Variants in SSBP2 observed in about 807,000 individuals in gnomAD.
SSBP2 encodes single stranded DNA binding protein 2.
SSBP2 carries 17 observed loss-of-function variants against 61.8 expected under a neutral mutation model. That is an observed-to-expected ratio of 0.28 (90% CI 0.19 to 0.41). The LOEUF (loss-of-function observed/expected upper bound fraction) is 0.41, where lower values mean the gene tolerates loss of function less well. SSBP2 is among the 10% of genes least tolerant of loss of function. The pLI is 1.00. For missense variants in SSBP2, 310 were observed against 458.7 expected (o/e 0.68, Z 2.96); for synonymous variants, 139 against 141.3 (o/e 0.98, Z 0.12).
intron 3 of SSBP2, among the ~76,000 whole-genome samples, chr5:81,630,667 C>T (rs769147715): frequency 8.6e-5 from 13 of 150,506 alleles, no homozygotes; most frequent in Admixed American, 4.0e-4. Context: ...AAAATACCAA[C>T]GCCATGGAAG....
intron 1 of SSBP2, among the ~76,000 whole-genome samples, chr5:81,664,653 T>TCC (rs1750961443): frequency 6.6e-6 from 1 of 152,182 alleles, no homozygotes; most frequent in Non-Finnish European, 1.5e-5. Context: ...ACCATACTGT[T>TCC]CGACAACATG....
chr5:81,466,859 G>T, intron 9 of SSBP2, 115 bp downstream of exon 9: 1 of 568,162 alleles, frequency 1.8e-6, no homozygotes, highest in Non-Finnish European at 2.8e-6. Context: ...ACAAATTAAC[G>T]TCATTTTAGA....
At chr5:81,678,573 A>G (rs1183619288) in intron 1 of SSBP2, among the ~76,000 whole-genome samples, 2 of 152,158 alleles carry the variant, frequency 1.3e-5, no homozygotes, top group Non-Finnish European at 2.9e-5. Context: ...GGAAGCTCAG[A>G]GAACACCAAG....
intron 1 of SSBP2, among the ~76,000 whole-genome samples, chr5:81,742,931 A>G (rs1757124115): frequency 6.6e-6 from 1 of 151,910 alleles, no homozygotes; most frequent in African/African-American, 2.4e-5. Flanking sequence ...ATGAAAAAGA[A>G]AAAAGTCTGC....
intron 8 of SSBP2, among the ~76,000 whole-genome samples, chr5:81,469,845 A>T (rs1214836396): frequency 1.3e-5 from 2 of 151,988 alleles, no homozygotes; most frequent in Non-Finnish European, 2.9e-5. Flanking sequence ...CTAATTTAGA[A>T]TCACTGAATT....
rs16899097 is a variant in SSBP2, at chr5:81,721,337, C to T, written c.62+29644G>A. 7.5e-4 allele frequency among the ~76,000 whole-genome samples: 114 copies of T among 152,180 alleles called. 2 individuals are homozygous for T. In the East Asian group the frequency reaches 0.02, roughly 26 times the overall value. ...TAACTTCTATACAACTCTTCCAACA[C>T]AGACAACAAGCAAAAACAAAAACAA... On this transcript the variant is annotated intron_variant, in intron 1 of 16. Coordinates refer to ENST00000320672, the MANE Select transcript of SSBP2 (RefSeq NM_012446.5).
intron 3 of SSBP2, among the ~76,000 whole-genome samples, chr5:81,622,120 TAAAAAAAA>T (rs76185243): frequency 3.9e-5 from 5 of 127,048 alleles, no homozygotes; most frequent in African/African-American, 5.8e-5. Context: ...AAAAAAAAAT[TAAAAAAAA>T]AAAAAAAGAA....
chr5:81,608,906 G>C lies in SSBP2; in HGVS notation c.282+6567C>G, dbSNP rs77232461. On this transcript the variant is annotated intron_variant, in intron 4 of 16. Transcript: ENST00000320672. ...GTTCAGGCAATGATTTGGAAGTTTT[G>C]ATAACTAGTTGGAGGTAAAGAAGAA... Among the ~76,000 whole-genome samples, 169 of 152,208 alleles carry C rather than the reference G, an allele frequency of 1.1e-3. 5 individuals carry two copies. In the East Asian group the frequency reaches 0.029, roughly 26 times the overall value.
intron 14 of SSBP2, among the ~76,000 whole-genome samples, chr5:81,440,053 ATCAT>A (rs1762930566): frequency 6.6e-6 from 1 of 152,174 alleles, no homozygotes; most frequent in Non-Finnish European, 1.5e-5. Flanking sequence ...TTAAAAGAGA[ATCAT>A]TCAAATTATC....
chr5:81,517,949 T>C (rs781393983), intron 4 of SSBP2, among the ~76,000 whole-genome samples: 2 of 152,118 alleles, frequency 1.3e-5, no homozygotes, highest in Admixed American at 1.3e-4. Flanking sequence ...GCAACAGGCA[T>C]TAAATACAAA....
intron 2 of SSBP2, among the ~76,000 whole-genome samples, chr5:81,647,650 T>A (rs549199197): frequency 6.6e-6 from 1 of 152,202 alleles, no homozygotes; most frequent in Admixed American, 6.5e-5. Context: ...TAATAGTTCG[T>A]TTTCAGTTTG....
At chr5:81,474,399 A>G in intron 7 of SSBP2, 97 bp downstream of exon 7, 1 of 1,039,300 alleles carries the variant, frequency 9.6e-7, no homozygotes, top group Admixed American at 1.9e-5. Flanking sequence ...GTATAACTAT[A>G]GGAGATTTAC....
chr5:81,564,933 T>C (rs1200808964), intron 4 of SSBP2, among the ~76,000 whole-genome samples: 2 of 152,190 alleles, frequency 1.3e-5, no homozygotes, highest in Non-Finnish European at 2.9e-5. Flanking sequence ...TTTCCACTTT[T>C]GTGTCCCCTG....
intron 1 of SSBP2, among the ~76,000 whole-genome samples, chr5:81,732,127 A>G (rs1756309495): frequency 6.6e-6 from 1 of 152,160 alleles, no homozygotes; most frequent in East Asian, 1.9e-4. Context: ...TCAAAACCAT[A>G]ATTACATTTA....
intron 4 of SSBP2, among the ~76,000 whole-genome samples, chr5:81,577,592 G>T (rs532242225): frequency 8.6e-4 from 131 of 152,138 alleles, no homozygotes; most frequent in Middle Eastern, 6.8e-3. Flanking sequence ...AGGATATATA[G>T]TAAACTGCAA....
intron 15 of SSBP2, among the ~76,000 whole-genome samples, chr5:81,428,904 C>G (rs1762120221): frequency 6.6e-6 from 1 of 152,046 alleles, no homozygotes; most frequent in Non-Finnish European, 1.5e-5. Flanking sequence ...CCCCCAATAA[C>G]CTACCACAAC....
chr5:81,488,914 G>A (rs1470105276), intron 6 of SSBP2, among the ~76,000 whole-genome samples: 1 of 151,890 alleles, frequency 6.6e-6, no homozygotes, highest in African/African-American at 2.4e-5. Flanking sequence ...CTCCAAGAAT[G>A]GGCAAACTTT....
intron 6 of SSBP2, among the ~76,000 whole-genome samples, chr5:81,480,653 G>T (rs575940795): frequency 1.7e-4 from 26 of 152,118 alleles, no homozygotes; most frequent in African/African-American, 6.3e-4. Flanking sequence ...AAATCCACCC[G>T]CCTTGGCCTC....
intron 4 of SSBP2, among the ~76,000 whole-genome samples, chr5:81,595,002 C>A (rs1257991442): frequency 6.6e-6 from 1 of 152,098 alleles, no homozygotes; most frequent in African/African-American, 2.4e-5. Flanking sequence ...CAGAGCAGAA[C>A]TGAAGGAAAT....
Sources: gnomAD v4.1 joint callset for allele counts (sites outside exome capture counted in the v4.1 genomes callset) on GRCh38, gnomAD v4.1.1 for gene constraint, MANE v1.5 for transcripts, NCBI Gene and HGNC (gene_info 2026-07-23, HGNC 2026-07-21) for gene names.